The following TMEM117 variants were observed in gnomAD, a reference collection of about 807,000 sequenced individuals.
TMEM117 encodes transmembrane protein 117.
Under a neutral mutation model 52.4 loss-of-function variants are expected in TMEM117, and 27 were observed. That is an observed-to-expected ratio of 0.51 (90% confidence interval 0.38 to 0.71). The LOEUF (loss-of-function observed/expected upper bound fraction) is 0.71. TMEM117 is among the 30% of genes least tolerant of loss of function. The pLI, the probability that TMEM117 is intolerant of heterozygous loss-of-function variation, is 0.00. For missense variants in TMEM117, 556 were observed against 630.5 expected, an observed-to-expected ratio of 0.88 and a Z score of 1.26; for synonymous variants, 215 against 206.3, an observed-to-expected ratio of 1.04 and a Z score of -0.36.
At chr12:44,051,684 G>A (rs1402019698) in intron 3 of TMEM117, among the ~76,000 whole-genome samples, 1 of 152,204 alleles carries the variant, frequency 6.6e-6, no homozygotes, top group Non-Finnish European at 1.5e-5. Context: ...AAATGGTAAC[G>A]AGACTGTGTG....
At chr12:43,932,072 G>A (rs574465329) in intron 2 of TMEM117, among the ~76,000 whole-genome samples, 4 of 152,062 alleles carry the variant, frequency 2.6e-5, no homozygotes, top group East Asian at 3.9e-4. Context: ...TGTGTTTCCC[G>A]TATTTACCAT....
At chr12:44,103,908 T>C (rs1260987484) in intron 3 of TMEM117, among the ~76,000 whole-genome samples, 1 of 152,048 alleles carries the variant, frequency 6.6e-6, no homozygotes, top group Non-Finnish European at 1.5e-5. Flanking sequence ...CTGTTTTTTT[T>C]CTCACTAACT....
At chr12:44,198,603 A>G (rs974081014) in intron 4 of TMEM117, among the ~76,000 whole-genome samples, 3 of 152,156 alleles carry the variant, frequency 2.0e-5, no homozygotes, top group African/African-American at 4.8e-5. Context: ...ACTTACCCCA[A>G]GAGGGTATAA....
upstream of TMEM117, among the ~76,000 whole-genome samples, chr12:43,835,792 T>A (rs1225178830): frequency 6.6e-6 from 1 of 151,226 alleles, no homozygotes; most frequent in Non-Finnish European, 1.5e-5. Flanking sequence ...CCGGGCAGGC[T>A]CGGCCCGTGG....
intron 4 of TMEM117, among the ~76,000 whole-genome samples, chr12:44,209,959 A>G (rs991162294): frequency 1.3e-5 from 2 of 151,812 alleles, no homozygotes; most frequent in Non-Finnish European, 2.9e-5. Context: ...ATCTAAAAGG[A>G]CTCCCCACTG....
chr12:44,337,457 G>C (rs886370263), intron 6 of TMEM117, among the ~76,000 whole-genome samples: 3 of 152,014 alleles, frequency 2.0e-5, no homozygotes, highest in African/African-American at 7.2e-5. Context: ...GGTTCTAGCA[G>C]TACCTGGTGA....
chr12:44,220,485 T>C (rs991127321), intron 5 of TMEM117, among the ~76,000 whole-genome samples: 14 of 152,138 alleles, frequency 9.2e-5, no homozygotes, highest in Admixed American at 3.9e-4. Flanking sequence ...CATTCTAACA[T>C]AGAAAGATGG....
intron 5 of TMEM117, among the ~76,000 whole-genome samples, chr12:44,289,307 G>A (rs1950673941): frequency 6.6e-6 from 1 of 150,650 alleles, no homozygotes; most frequent in African/African-American, 2.4e-5. Context: ...AGGTACTTAG[G>A]TTGGTTCTAC....
chr12:44,144,878 C>T (rs1397145005), intron 4 of TMEM117, among the ~76,000 whole-genome samples: 1 of 152,172 alleles, frequency 6.6e-6, no homozygotes, highest in Non-Finnish European at 1.5e-5. Context: ...TTTTTCTGGG[C>T]CGGGCGCGGT....
chr12:44,393,218 T>G (rs2138884634), downstream of TMEM117, among the ~76,000 whole-genome samples: 1 of 152,282 alleles, frequency 6.6e-6, no homozygotes, highest in South Asian at 2.1e-4. Context: ...TCCTAAGGTC[T>G]AAATTCCTTA....
intron 2 of TMEM117, among the ~76,000 whole-genome samples, chr12:43,918,047 G>A (rs1420145894): frequency 6.6e-6 from 1 of 152,056 alleles, no homozygotes; most frequent in Non-Finnish European, 1.5e-5. Flanking sequence ...TCTGCTCCAC[G>A]AGAACACTCT....
At chr12:43,976,422 C>T (rs968262559) in intron 3 of TMEM117, among the ~76,000 whole-genome samples, 1 of 152,018 alleles carries the variant, frequency 6.6e-6, no homozygotes, top group Non-Finnish European at 1.5e-5. Context: ...TGGCAACGCT[C>T]ACATTTATTT....
chr12:44,307,168 G>C (rs1264172536), intron 6 of TMEM117, among the ~76,000 whole-genome samples: 1 of 152,198 alleles, frequency 6.6e-6, no homozygotes, highest in African/African-American at 2.4e-5. Flanking sequence ...GGTCACAGTT[G>C]TGGAAAGTGG....
chr12:44,208,316 A>G (rs1173344595), intron 4 of TMEM117, among the ~76,000 whole-genome samples: 2 of 152,120 alleles, frequency 1.3e-5, no homozygotes, highest in East Asian at 3.8e-4. Context: ...ACAGAGACCT[A>G]GTAGAGAGGA....
chr12:44,213,539 C>T (rs747070200), intron 5 of TMEM117, among the ~76,000 whole-genome samples: 3 of 152,162 alleles, frequency 2.0e-5, no homozygotes, highest in East Asian at 1.9e-4. Flanking sequence ...TGTACTGATA[C>T]GGTCTCACTC....
chr12:43,892,842 A>G (rs1015484124), intron 2 of TMEM117, among the ~76,000 whole-genome samples: 1 of 152,272 alleles, frequency 6.6e-6, no homozygotes, highest in Non-Finnish European at 1.5e-5. Flanking sequence ...AAGATTATGA[A>G]ATAAAGCAGT....
intron 3 of TMEM117, among the ~76,000 whole-genome samples, chr12:44,023,718 G>A (rs1345225704): frequency 2.7e-5 from 4 of 148,150 alleles, no homozygotes; most frequent in Admixed American, 6.9e-5. Flanking sequence ...GTAGATTCTG[G>A]ATATTAGCCC....
intron 2 of TMEM117, among the ~76,000 whole-genome samples, chr12:43,920,420 G>A (rs1052610244): frequency 2.0e-5 from 3 of 151,978 alleles, no homozygotes; most frequent in African/African-American, 7.2e-5. Flanking sequence ...GGCTGAGGCA[G>A]GAGAATCACT....
At chr12:44,011,036 C>CT (rs1946281866) in intron 3 of TMEM117, among the ~76,000 whole-genome samples, 1 of 152,144 alleles carries the variant, frequency 6.6e-6, no homozygotes, top group Non-Finnish European at 1.5e-5. Context: ...CTCTGAAGAA[C>CT]TTTTTTCTAA....
Sources: allele counts gnomAD v4.1 joint callset (sites outside exome capture counted in the v4.1 genomes callset), GRCh38; gene constraint gnomAD v4.1.1; transcripts MANE v1.5; gene names NCBI Gene and HGNC (gene_info 2026-07-23, HGNC 2026-07-21).